ITPR2: variants seen among roughly 807,000 people sequenced by gnomAD.
The protein encoded by ITPR2 is inositol 1,4,5-trisphosphate-gated calcium channel ITPR2.
In ITPR2, 207 loss-of-function variants were observed where a neutral mutation model predicts 317.1. The ratio of observed to expected loss-of-function variants is 0.65; its 90% CI spans 0.58 to 0.73. ITPR2 has a LOEUF of 0.73. Ranked by LOEUF, ITPR2 falls within the 30% of genes least tolerant of loss-of-function variation. The pLI, the probability that ITPR2 is intolerant of heterozygous loss-of-function variation, is 0.00. For missense variants in ITPR2, 2,613 were observed against 3,284.0 expected (o/e 0.80, Z 4.99); for synonymous variants, 1,156 against 1,149.1 (o/e 1.01, Z -0.12).
intron 42 of ITPR2, among the ~76,000 whole-genome samples, chr12:26,482,062 T>C (rs1429097405): frequency 6.6e-6 from 1 of 152,096 alleles, no homozygotes; most frequent in Non-Finnish European, 1.5e-5. Context: ...TCCTGGTGAG[T>C]TAAATGAGAA....
chr12:26,687,012 A>G (rs1289999265), intron 10 of ITPR2, among the ~76,000 whole-genome samples: 1 of 152,242 alleles, frequency 6.6e-6, no homozygotes, highest in Non-Finnish European at 1.5e-5. Flanking sequence ...AAGTTAAAGT[A>G]AGCATGGCAG....
In ITPR2 at chr12:26,336,506, T is replaced by C. The variant is rs1937921243; in HGVS notation, c.*2891A>G. On this transcript the variant is annotated 3_prime_UTR_variant, in exon 57 of 57. Coordinates refer to ENST00000381340, the MANE Select transcript of ITPR2 (RefSeq NM_002223.4). ...ACTTAATTTTTTAAGGGGTAGAAAA[T>C]ATGATAAATTTTGCATACATACAAT... The C allele has an allele frequency of 6.6e-6, 1 of 152,150 alleles. No individual in the cohort carries two copies. Among genetic ancestry groups the C allele is most frequent in the Admixed American group, 6.5e-5 (1 of 15,270 alleles). The allele number at this position is 152,150 out of a possible 1,614,324, so 9.4% of individuals were successfully genotyped here.
At position 26,340,452 on chromosome 12, in the gene ITPR2, C is replaced by A. The variant is rs1938071984; in HGVS notation, c.7858-124G>T. The A allele has an allele frequency of 2.9e-6, 3 of 1,026,728 alleles. No homozygotes were observed. The Admixed American group carries it at 1.1e-4, about 37-fold the overall frequency. 63.6% of individuals were successfully genotyped at this position (1,026,728 alleles called of 1,614,324 possible). The stretch of plus-strand genomic sequence containing the variant: ...AGCACTCAAATTGGAGAGAGAAAAC[C>A]TGGCATAGGGAGGGGCTGAAGTAGG... On this transcript the variant is annotated intron_variant, in intron 55 of 56. Coordinates refer to ENST00000381340, the MANE Select transcript of ITPR2 (RefSeq NM_002223.4).
intron 1 of ITPR2, among the ~76,000 whole-genome samples, chr12:26,826,268 A>G (rs1255832068): frequency 1.3e-5 from 2 of 152,216 alleles, no homozygotes; most frequent in Non-Finnish European, 2.9e-5. Context: ...AATATTTTTA[A>G]AACTGTAATA....
At chr12:26,772,807 T>C (rs1949896258) in intron 2 of ITPR2, among the ~76,000 whole-genome samples, 1 of 151,904 alleles carries the variant, frequency 6.6e-6, no homozygotes, top group South Asian at 2.1e-4. Flanking sequence ...TATATAGGTG[T>C]ACATGTGTCA....
chr12:26,457,388 G>A (rs780124649), intron 45 of ITPR2, among the ~76,000 whole-genome samples: 1 of 152,168 alleles, frequency 6.6e-6, no homozygotes, highest in Non-Finnish European at 1.5e-5. Context: ...GGGGAAGAAG[G>A]CCAGGTCATA....
At chr12:26,453,536 G>A (rs1313740111) in intron 45 of ITPR2, among the ~76,000 whole-genome samples, 1 of 152,184 alleles carries the variant, frequency 6.6e-6, no homozygotes. Flanking sequence ...CTGAAATGAT[G>A]TACACTAGGA....
chr12:26,642,907 A>T (rs1947026518), intron 21 of ITPR2, among the ~76,000 whole-genome samples: 1 of 152,076 alleles, frequency 6.6e-6, no homozygotes, highest in Non-Finnish European at 1.5e-5. Flanking sequence ...CTGGAGTGCT[A>T]CTCAGAAGAC....
chr12:26,723,099 A>G (rs913415396), intron 4 of ITPR2, among the ~76,000 whole-genome samples: 8 of 152,162 alleles, frequency 5.3e-5, no homozygotes, highest in Admixed American at 2.0e-4. Context: ...AGATGAGTGT[A>G]AAAGCATCAC....
At chr12:26,654,204 CT>C (rs1435493961) in intron 20 of ITPR2, 78 bp from the exon 21 acceptor site, 1 of 1,148,562 alleles carries the variant, frequency 8.7e-7, no homozygotes, top group Non-Finnish European at 1.2e-6. Flanking sequence ...TAAACATTGG[CT>C]TTTTTATTAT....
At chr12:26,798,742 C>CT (rs1950501135) in intron 1 of ITPR2, among the ~76,000 whole-genome samples, 1 of 152,142 alleles carries the variant, frequency 6.6e-6, no homozygotes, top group Non-Finnish European at 1.5e-5. Context: ...AGTTTTCCAC[C>CT]TTATATCTGA....
chr12:26,427,313 C>A (rs969559444), intron 49 of ITPR2, among the ~76,000 whole-genome samples: 8 of 152,026 alleles, frequency 5.3e-5, no homozygotes, highest in African/African-American at 1.7e-4. Flanking sequence ...AATTGTATTT[C>A]TCGGGTAAAA....
intron 41 of ITPR2, among the ~76,000 whole-genome samples, chr12:26,484,648 A>G (rs1296987289): frequency 1.3e-5 from 2 of 152,216 alleles, no homozygotes; most frequent in Admixed American, 6.5e-5. Flanking sequence ...TAACCTGGCA[A>G]TAAGTAATTG....
intron 8 of ITPR2, 115 bp downstream of exon 8, chr12:26,715,184 T>C: frequency 1.0e-6 from 1 of 985,770 alleles, no homozygotes; most frequent in Non-Finnish European, 1.5e-6. Flanking sequence ...TCACAAAAAT[T>C]ATTCTATTTT....
At chr12:26,407,927 C>T (rs965735514) in intron 52 of ITPR2, among the ~76,000 whole-genome samples, 2 of 152,180 alleles carry the variant, frequency 1.3e-5, no homozygotes, top group African/African-American at 4.8e-5. Flanking sequence ...TTGAACATGT[C>T]TCAGGGCGTT....
chr12:26,351,327 T>C (rs1938478822), intron 55 of ITPR2, among the ~76,000 whole-genome samples: 1 of 152,224 alleles, frequency 6.6e-6, no homozygotes. Flanking sequence ...CAAAGGTCTC[T>C]AGGAATCTGG....
chr12:26,804,182 A>G (rs1950604171), intron 1 of ITPR2, among the ~76,000 whole-genome samples: 1 of 152,306 alleles, frequency 6.6e-6, no homozygotes, highest in South Asian at 2.1e-4. Flanking sequence ...CTTCAGACAG[A>G]GCTTCCAACG....
chr12:26,825,986 G>A (rs1184392482), intron 1 of ITPR2, among the ~76,000 whole-genome samples: 1 of 152,200 alleles, frequency 6.6e-6, no homozygotes, highest in Non-Finnish European at 1.5e-5. Flanking sequence ...CCTGGTTATG[G>A]CAGGAAACAA....
intron 4 of ITPR2, among the ~76,000 whole-genome samples, chr12:26,722,902 G>T (rs1418579796): frequency 6.6e-6 from 1 of 152,104 alleles, no homozygotes; most frequent in Admixed American, 6.6e-5. Context: ...CTCAATGCCT[G>T]CATAGCCACA....
Sources: gnomAD v4.1 joint callset for allele counts (sites outside exome capture counted in the v4.1 genomes callset) on GRCh38, gnomAD v4.1.1 for gene constraint, MANE v1.5 for transcripts, NCBI Gene and HGNC (gene_info 2026-07-23, HGNC 2026-07-21) for gene names.